The following ABR variants were observed in gnomAD, a reference collection of about 807,000 sequenced individuals.
The protein encoded by ABR is ABR activator of RhoGEF and GTPase, also known as active breakpoint cluster region-related protein.
Under a neutral mutation model 107.2 loss-of-function variants are expected in ABR, and 35 were observed. That is an observed-to-expected ratio of 0.33 (90% confidence interval 0.25 to 0.43). The LOEUF (loss-of-function observed/expected upper bound fraction) is 0.43, where lower values mean the gene tolerates loss of function less well. Among genes scored for constraint, ABR ranks in the 20% least tolerant of loss-of-function variants. The pLI, the probability that ABR is intolerant of heterozygous loss-of-function variation, is 1.00. For missense variants in ABR, 815 were observed against 1,115.2 expected, an observed-to-expected ratio of 0.73 and a Z score of 3.83; for synonymous variants, 498 against 462.0, an observed-to-expected ratio of 1.08 and a Z score of -1.00.
At chr17:1,173,128 C>T in intron 1 of ABR, among the ~76,000 whole-genome samples, 1 of 113,926 alleles carries the variant, frequency 8.8e-6, no homozygotes, top group South Asian at 3.3e-4. Context: ...CTCAGTCCAC[C>T]CCCCACACAT....
intron 1 of ABR, among the ~76,000 whole-genome samples, chr17:1,146,808 A>C (rs1597969573): frequency 8.0e-6 from 1 of 125,120 alleles, no homozygotes; most frequent in African/African-American, 3.0e-5. Context: ...CACCACTGCC[A>C]CCAGGCCACC....
intron 1 of ABR, among the ~76,000 whole-genome samples, chr17:1,196,820 G>A (rs1396401642): frequency 1.3e-5 from 2 of 151,200 alleles, no homozygotes; most frequent in Non-Finnish European, 2.9e-5. Context: ...TCAGCCTCCC[G>A]AGTAGCTGGG....
chr17:1,095,034 C>G (rs539311491), intron 3 of ABR, among the ~76,000 whole-genome samples: 1 of 152,194 alleles, frequency 6.6e-6, no homozygotes, highest in Non-Finnish European at 1.5e-5. Context: ...TTCACCTCAA[C>G]GCAGGACCCC....
rs1341846582 is a variant in ABR at position 1,084,542 on chromosome 17, A to C, written c.532-915T>G. Among the ~76,000 whole-genome samples, 2 of 152,054 alleles carry C rather than the reference A, an allele frequency of 1.3e-5. No individual in the cohort carries two copies. Among genetic ancestry groups the C allele is most frequent in the Non-Finnish European group, 2.9e-5 (2 of 68,006 alleles). ...CAGTCACAACCTGAGTCACAACCAC[A>C]CAGAGCCTCGCCTCTTCTGAGAGGC... On this transcript the variant is annotated intron_variant, in intron 4 of 22. Transcript: ENST00000302538. The surrounding 1 kb of genome is among the most constrained non-coding windows in gnomAD (Gnocchi z 4.2).
At chr17:1,060,788 T>C (rs1389905673) in intron 10 of ABR, among the ~76,000 whole-genome samples, 1 of 151,758 alleles carries the variant, frequency 6.6e-6, no homozygotes, top group Admixed American at 6.6e-5. Flanking sequence ...GTCAGGAGTT[T>C]GAGACCAGCC....
At position 1,064,847 on chromosome 17, in the gene ABR, A is replaced by T. The variant is rs57906023; in HGVS notation, c.1182+2230T>A. Among the ~76,000 whole-genome samples the T allele has an allele frequency of 2.3e-4, 5 of 21,502 alleles. 1 individual carries two copies. Among genetic ancestry groups the T allele is most frequent in the Non-Finnish European group, 5.1e-4 (5 of 9,872 alleles). The allele number at this position is 21,502 out of a possible 152,430, so 14.1% of individuals were successfully genotyped here. A position where few individuals can be genotyped will look rare whatever the true frequency, so the allele number is the denominator to read the frequency against. On this transcript the variant is annotated intron_variant, in intron 10 of 22. Transcript: ENST00000302538. ...ATGTTCCTCTAGACACTGTTGTTAC[A>T]TGAACTGAGGGCTATGCATGTTCCT...
intron 2 of ABR, among the ~76,000 whole-genome samples, chr17:1,113,336 G>A (rs530087897): frequency 7.3e-6 from 1 of 136,216 alleles, no homozygotes; most frequent in East Asian, 2.3e-4. Context: ...ACCCAGGCTG[G>A]AGTGCAGTGG....
At chr17:1,137,097 G>A (rs1230015760) in intron 1 of ABR, among the ~76,000 whole-genome samples, 2 of 151,408 alleles carry the variant, frequency 1.3e-5, no homozygotes, top group African/African-American at 2.4e-5. Flanking sequence ...AGGCTGGAGT[G>A]CAGCGGCACA....
At chr17:1,108,940 A>C (rs765913924) in intron 2 of ABR, 1 of 1,592,032 alleles carries the variant, frequency 6.3e-7, no homozygotes, top group East Asian at 2.4e-5. Context: ...CCACCTTCAC[A>C]GCCACCAGGA....
At position 1,010,036 on chromosome 17, in the gene ABR, G is replaced by A. The variant is rs2070399223; in HGVS notation, c.2237-252C>T. ...GCAGACCCCCTTCCTGCAGCTGACTGCATAGGCCTTGGGTGCTGGGGCATC... is the reference window on the plus strand; with the variant it reads ...GCAGACCCCCTTCCTGCAGCTGACTACATAGGCCTTGGGTGCTGGGGCATC... On this transcript the variant is annotated intron_variant, in intron 20 of 22. Transcript: ENST00000302538. The surrounding 1 kb of genome is among the most constrained non-coding windows in gnomAD (Gnocchi z 4.1). 3.4e-6 allele frequency: 2 copies of A among 580,852 alleles called. No individual in the cohort carries two copies. The highest frequency in any genetic ancestry group is 3.0e-5 in the Admixed American group (1 of 33,220). 36.0% of individuals were successfully genotyped at this position (580,852 alleles called of 1,614,324 possible).
chr17:1,018,292 T>TG (rs2071353601), intron 16 of ABR, among the ~76,000 whole-genome samples: 3 of 152,268 alleles, frequency 2.0e-5, no homozygotes, highest in Non-Finnish European at 2.9e-5. Context: ...TTCGCCCACC[T>TG]CGGCCTCCCA....
Position 1,078,817 on chromosome 17 carries a change from A to G in ABR, c.700+513T>C. ...CCACAGCGAGCACCTGGGTTACCATAGGTGCAGTTACAGCAGAAGCGAATA... is the reference window on the plus strand; with the variant it reads ...CCACAGCGAGCACCTGGGTTACCATGGGTGCAGTTACAGCAGAAGCGAATA... On this transcript the variant is annotated intron_variant, in intron 6 of 22. Coordinates refer to ENST00000302538, the MANE Select transcript of ABR (RefSeq NM_021962.5). The surrounding 1 kb of genome is among the most constrained non-coding windows in gnomAD (Gnocchi z 7.5). The G allele has an allele frequency of 1.3e-6, 2 of 1,535,410 alleles. No homozygotes were observed. Among genetic ancestry groups the G allele is most frequent in the Non-Finnish European group, 1.7e-6 (2 of 1,146,788 alleles).
chr17:1,085,266 C>T (rs1203840969), intron 4 of ABR, among the ~76,000 whole-genome samples: 1 of 151,932 alleles, frequency 6.6e-6, no homozygotes, highest in Non-Finnish European at 1.5e-5. Flanking sequence ...GCGCCCGCCA[C>T]CACGCCAGGC....
intron 1 of ABR, among the ~76,000 whole-genome samples, chr17:1,220,162 G>C (rs1393253608): frequency 6.6e-6 from 1 of 151,950 alleles, no homozygotes; most frequent in Non-Finnish European, 1.5e-5. Flanking sequence ...GTGGTGGCGG[G>C]CGCCTGTGGT....
At chr17:1,159,139 T>G (rs945698291) in intron 1 of ABR, among the ~76,000 whole-genome samples, 2 of 152,194 alleles carry the variant, frequency 1.3e-5, no homozygotes, top group Admixed American at 6.5e-5. Context: ...AACTACTGTC[T>G]TAGTCATGGA....
chr17:1,148,065 C>A lies in ABR; in HGVS notation c.62-22698G>T, dbSNP rs1477935699. 1.3e-5 allele frequency among the ~76,000 whole-genome samples: 2 copies of A among 152,166 alleles called. No individual in the cohort carries two copies. The highest frequency in any genetic ancestry group is 2.9e-5 in the Non-Finnish European group (2 of 68,018). On this transcript the variant is annotated intron_variant, in intron 1 of 22. Coordinates refer to ENST00000302538, the MANE Select transcript of ABR (RefSeq NM_021962.5). This position sits in a 1 kb window ranked among gnomAD's most constrained non-coding sequence, Gnocchi z 4.9. The stretch of plus-strand genomic sequence containing the variant: ...CACTCTCCCCAGGCTGGTCAATGGG[C>A]CCACCCCACGGTAAGCTTCAAGGAT...
intron 5 of ABR, among the ~76,000 whole-genome samples, chr17:1,080,927 T>C (rs2036192806): frequency 6.6e-6 from 1 of 152,082 alleles, no homozygotes; most frequent in African/African-American, 2.4e-5. Flanking sequence ...AGTGGCAGCC[T>C]CAGCAGGAAG....
At chr17:1,034,599 C>G (rs1165614478) in intron 16 of ABR, among the ~76,000 whole-genome samples, 1 of 152,144 alleles carries the variant, frequency 6.6e-6, no homozygotes, top group African/African-American at 2.4e-5. Context: ...GCGTGGGGCC[C>G]TCGGGGCTGT....
Position 1,092,543 on chromosome 17 carries a change from G to A in ABR, c.346-693C>T, listed in dbSNP as rs930656883. Among the ~76,000 whole-genome samples, 2 of 151,918 alleles carry A rather than the reference G, an allele frequency of 1.3e-5. No individual in the cohort carries two copies. The highest frequency in any genetic ancestry group is 1.9e-4 in the East Asian group (1 of 5,170). Reference sequence around the variant, plus strand: ...GGCCTGCCAGTGTAGACGGTGAGGTGGCAGATAACACAGACCAACCCCCAG... The same window carrying A: ...GGCCTGCCAGTGTAGACGGTGAGGTAGCAGATAACACAGACCAACCCCCAG... On this transcript the variant is annotated intron_variant, in intron 3 of 22. Coordinates refer to ENST00000302538, the MANE Select transcript of ABR (RefSeq NM_021962.5). This position sits in a 1 kb window ranked among gnomAD's most constrained non-coding sequence, Gnocchi z 4.6.
Sources: gnomAD v4.1 joint callset for allele counts (sites outside exome capture counted in the v4.1 genomes callset) on GRCh38, gnomAD v4.1.1 for gene constraint, Gnocchi (gnomAD v3.1) non-coding constraint, MANE v1.5 for transcripts, NCBI Gene and HGNC (gene_info 2026-07-23, HGNC 2026-07-21) for gene names.